NAT1: variants seen among roughly 807,000 people sequenced by gnomAD.
NAT1 encodes the protein N-acetyltransferase 1, also known as arylamine N-acetyltransferase 1.
For synonymous variants in NAT1, 144 were observed against 122.6 expected, an observed-to-expected ratio of 1.17 and a Z score of -1.16; for missense variants, 400 against 339.2, an observed-to-expected ratio of 1.18 and a Z score of -1.41.
At chr8:18,176,575 T>C (rs1395723390) in intron 2 of NAT1, among the ~76,000 whole-genome samples, 1 of 150,780 alleles carries the variant, frequency 6.6e-6, no homozygotes, top group East Asian at 1.9e-4. Flanking sequence ...TCTGTTTTTA[T>C]GCCAGTGCCA....
At position 18,222,410 on chromosome 8, in the gene NAT1, C is replaced by T. The variant is rs8190858; in HGVS notation, c.363C>T (p.Val121=). 6.6e-5 allele frequency: 107 copies of T among 1,613,998 alleles called. No individual in the cohort carries two copies. In the East Asian group the frequency reaches 1.1e-3, roughly 16 times the overall value. The part of the protein sequence containing the change: ...QVTIDGRNYI[V]DAGFGRSYQM... Reference sequence around the variant, plus strand: ...CCATTGATGGCAGGAACTACATTGTCGATGCTGGGTTTGGACGCTCATACC... The same window carrying T: ...CCATTGATGGCAGGAACTACATTGTTGATGCTGGGTTTGGACGCTCATACC... The change falls in exon 3 of 3, where the codon GTC becomes GTT. Residue 121 remains valine (V), a synonymous_variant. Transcript: ENST00000307719.
chr8:18,184,293 T>G (rs912370617), intron 2 of NAT1, among the ~76,000 whole-genome samples: 1 of 151,948 alleles, frequency 6.6e-6, no homozygotes, highest in Non-Finnish European at 1.5e-5. Flanking sequence ...CCAAGGAGAG[T>G]TGCATTAGAA....
intron 2 of NAT1, among the ~76,000 whole-genome samples, chr8:18,201,803 T>A (rs1803475419): frequency 6.6e-6 from 1 of 152,084 alleles, no homozygotes; most frequent in African/African-American, 2.4e-5. Context: ...GATTTCGGGG[T>A]ATCTAAGTGC....
intron 1 of NAT1, among the ~76,000 whole-genome samples, chr8:18,216,013 G>A (rs1306640829): frequency 6.6e-6 from 1 of 152,154 alleles, no homozygotes; most frequent in African/African-American, 2.4e-5. Flanking sequence ...TCATGTAAGA[G>A]CTGGGTAGGG....
At chr8:18,194,364 T>C (rs2117269063) in intron 2 of NAT1, among the ~76,000 whole-genome samples, 1 of 152,324 alleles carries the variant, frequency 6.6e-6, no homozygotes, top group East Asian at 1.9e-4. Context: ...TCTCTGCCTA[T>C]GATGACAATT....
upstream of NAT1, among the ~76,000 whole-genome samples, chr8:18,208,635 C>T (rs963862150): frequency 2.6e-5 from 4 of 152,166 alleles, no homozygotes; most frequent in Admixed American, 6.5e-5. Context: ...CGAGCCCAGG[C>T]GGCACAGTGT....
At chr8:18,202,016 T>C (rs1386684871) in intron 2 of NAT1, among the ~76,000 whole-genome samples, 1 of 152,244 alleles carries the variant, frequency 6.6e-6, no homozygotes, top group Non-Finnish European at 1.5e-5. Context: ...ATTTTGAAAC[T>C]CTTTGTAAAT....
intron 2 of NAT1, among the ~76,000 whole-genome samples, chr8:18,181,971 G>A (rs1802541103): frequency 6.6e-6 from 1 of 152,092 alleles, no homozygotes. Flanking sequence ...ACCGTGGCAG[G>A]CCTGACTCTA....
chr8:18,191,915 G>C (rs957009814), intron 2 of NAT1, among the ~76,000 whole-genome samples: 3 of 152,274 alleles, frequency 2.0e-5, no homozygotes, highest in African/African-American at 7.2e-5. Context: ...TTACCATTTA[G>C]GACATAGGCA....
chr8:18,205,896 T>C (rs571065946), upstream of NAT1, among the ~76,000 whole-genome samples: 1 of 152,264 alleles, frequency 6.6e-6, no homozygotes, highest in Admixed American at 6.5e-5. Flanking sequence ...GGTGCTCAGG[T>C]TGGACTGGCC....
At chr8:18,216,127 C>T (rs1403133945) in intron 1 of NAT1, among the ~76,000 whole-genome samples, 1 of 152,104 alleles carries the variant, frequency 6.6e-6, no homozygotes, top group Non-Finnish European at 1.5e-5. Flanking sequence ...CTGCATTTTA[C>T]ATAACATACC....
intron 2 of NAT1, among the ~76,000 whole-genome samples, chr8:18,181,786 G>T (rs1380639000): frequency 6.6e-6 from 1 of 152,166 alleles, no homozygotes; most frequent in East Asian, 1.9e-4. Flanking sequence ...TCACCATGAA[G>T]GGACGTTGTA....
At chr8:18,170,925 T>C (rs1435719365) in intron 2 of NAT1, among the ~76,000 whole-genome samples, 3 of 152,178 alleles carry the variant, frequency 2.0e-5, no homozygotes, top group Non-Finnish European at 4.4e-5. Flanking sequence ...TCTCCTGTTT[T>C]ACTGAATTGG....
chr8:18,199,738 T>G (rs142954194), intron 2 of NAT1, among the ~76,000 whole-genome samples: 1 of 152,180 alleles, frequency 6.6e-6, no homozygotes. Context: ...AAGTAGCTCA[T>G]AGCATTTACA....
At chr8:18,219,149 C>T (rs963585583) in intron 1 of NAT1, among the ~76,000 whole-genome samples, 1 of 152,034 alleles carries the variant, frequency 6.6e-6, no homozygotes, top group Non-Finnish European at 1.5e-5. Flanking sequence ...CCTCGGGAGG[C>T]TGTGGAAGCC....
At chr8:18,173,502 G>C (rs1227487873) in intron 2 of NAT1, among the ~76,000 whole-genome samples, 1 of 152,150 alleles carries the variant, frequency 6.6e-6, no homozygotes, top group Non-Finnish European at 1.5e-5. Context: ...TTCAGCCCCA[G>C]AGCCACATAA....
intron 2 of NAT1, among the ~76,000 whole-genome samples, chr8:18,203,862 A>G (rs993245755): frequency 1.3e-5 from 2 of 152,132 alleles, no homozygotes; most frequent in Non-Finnish European, 2.9e-5. Context: ...GCAGGCTGGG[A>G]GCTTGCACAG....
At chr8:18,195,715 G>C (rs1437874208) in intron 2 of NAT1, among the ~76,000 whole-genome samples, 4 of 151,726 alleles carry the variant, frequency 2.6e-5, no homozygotes, top group African/African-American at 9.7e-5. Flanking sequence ...GTCTAAAATA[G>C]TGTGGTCTGT....
intron 2 of NAT1, among the ~76,000 whole-genome samples, chr8:18,192,740 A>G (rs898750553): frequency 2.8e-4 from 43 of 152,176 alleles, no homozygotes; most frequent in Admixed American, 5.9e-4. Context: ...TATCGCAAGG[A>G]CAAAAAACCA....
Sources: allele counts gnomAD v4.1 joint callset (sites outside exome capture counted in the v4.1 genomes callset), GRCh38; gene constraint gnomAD v4.1.1; transcripts MANE v1.5; gene names NCBI Gene and HGNC (gene_info 2026-07-23, HGNC 2026-07-21).